S100A8: variants seen among roughly 807,000 people sequenced by gnomAD.
S100A8 encodes the protein S100 calcium binding protein A8.
In S100A8, 1 loss-of-function variant was observed where a neutral mutation model predicts 4.2. The observed-to-expected ratio is 0.24, with a 90% CI of 0.08 to 1.12. The LOEUF (loss-of-function observed/expected upper bound fraction) is 1.12, where lower values mean the gene tolerates loss of function less well. Among genes scored for constraint, S100A8 ranks in the 50% most tolerant of loss-of-function variants. The pLI, the probability that S100A8 is intolerant of heterozygous loss-of-function variation, is 0.53. For missense variants in S100A8, 96 were observed against 111.8 expected (o/e 0.86, Z 0.64); for synonymous variants, 41 against 44.7 (o/e 0.92, Z 0.33).
chr1:153,402,165 A>C, the S100A8 span, among the ~76,000 whole-genome samples: 1 of 152,190 alleles, frequency 6.6e-6, no homozygotes, highest in Admixed American at 6.5e-5. Context: ...GGAGAGTGAG[A>C]AGATGATTAA....
At chr1:153,418,184 G>A in the S100A8 span, 251 of 1,614,006 alleles carry the variant, frequency 1.6e-4, no homozygotes, top group Non-Finnish European at 1.8e-4. Flanking sequence ...GCCTGCTGAC[G>A]ATGATGAAGG....
upstream of S100A8, among the ~76,000 whole-genome samples, chr1:153,394,582 G>A (rs547061590): frequency 3.9e-5 from 6 of 152,270 alleles, no homozygotes; most frequent in East Asian, 9.7e-4. Flanking sequence ...GGCAGAAGAT[G>A]CCCTTCCACA....
chr1:153,401,662 G>A, the S100A8 span, among the ~76,000 whole-genome samples: 3 of 152,250 alleles, frequency 2.0e-5, no homozygotes, highest in African/African-American at 7.2e-5. Context: ...CCCGAAACTG[G>A]CCCTGAAGCA....
At chr1:153,401,020 C>G in the S100A8 span, among the ~76,000 whole-genome samples, 1 of 152,118 alleles carries the variant, frequency 6.6e-6, no homozygotes, top group African/African-American at 2.4e-5. Flanking sequence ...TTCACCCTAC[C>G]TTTTGTTCAC....
At chr1:153,422,353 A>G in the S100A8 span, 2 of 218,528 alleles carry the variant, frequency 9.2e-6, no homozygotes, top group African/African-American at 4.7e-5. Context: ...ATTTTAGAGC[A>G]AGGCCTAAGG....
chr1:153,419,498 A>C, the S100A8 span: 1 of 654,324 alleles, frequency 1.5e-6, no homozygotes, highest in Non-Finnish European at 2.6e-6. Context: ...TCCCTCCAGC[A>C]ACGTTCCCCC....
the S100A8 span, among the ~76,000 whole-genome samples, chr1:153,411,706 G>A: frequency 6.6e-6 from 1 of 152,098 alleles, no homozygotes; most frequent in Non-Finnish European, 1.5e-5. Flanking sequence ...AAAGTGGGAG[G>A]CATCACACTA....
the S100A8 span, among the ~76,000 whole-genome samples, chr1:153,414,384 C>T: frequency 7.2e-5 from 11 of 152,142 alleles, no homozygotes; most frequent in African/African-American, 1.7e-4. Flanking sequence ...TTATCCAAAA[C>T]GTACAAAGAA....
the S100A8 span, among the ~76,000 whole-genome samples, chr1:153,415,160 TTG>T: frequency 4.0e-5 from 6 of 151,386 alleles, no homozygotes; most frequent in East Asian, 1.9e-4. Context: ...ATGTGTGCGT[TTG>T]TGTGTGTGTT....
At chr1:153,409,534 C>T in the S100A8 span, among the ~76,000 whole-genome samples, 15 of 152,202 alleles carry the variant, frequency 9.9e-5, no homozygotes, top group Non-Finnish European at 2.2e-4. Context: ...TAATGGGAGA[C>T]TTTAATACCC....
At chr1:153,410,388 C>T in the S100A8 span, among the ~76,000 whole-genome samples, 1 of 152,100 alleles carries the variant, frequency 6.6e-6, no homozygotes, top group East Asian at 1.9e-4. Flanking sequence ...AGAAGAAATG[C>T]ATAAATTCCT....
the S100A8 span, among the ~76,000 whole-genome samples, chr1:153,404,481 T>C: frequency 4.2e-4 from 64 of 152,192 alleles, no homozygotes; most frequent in African/African-American, 1.4e-3. Flanking sequence ...TAACAAAAGA[T>C]GCTCCCTCTC....
At chr1:153,390,267 G>A in intron 2 of S100A8, 24 bp from the exon 3 acceptor site, 1 of 1,605,294 alleles carries the variant, frequency 6.2e-7, no homozygotes, top group Non-Finnish European at 8.5e-7. Flanking sequence ...GGAGGAAGAA[G>A]CCAGAGTTTA....
chr1:153,415,346 A>G, the S100A8 span, among the ~76,000 whole-genome samples: 4 of 152,152 alleles, frequency 2.6e-5, no homozygotes, highest in Non-Finnish European at 5.9e-5. Flanking sequence ...ACCTAGGGAG[A>G]CATCACATCA....
chr1:153,392,192 T>C (rs917615510), upstream of S100A8, among the ~76,000 whole-genome samples: 17 of 152,120 alleles, frequency 1.1e-4, no homozygotes, highest in African/African-American at 3.6e-4. Flanking sequence ...AAGACTCAAA[T>C]AGACACTTCT....
At chr1:153,412,840 C>T in the S100A8 span, among the ~76,000 whole-genome samples, 145,573 of 152,246 alleles carry the variant, frequency 0.96, 69,653 homozygotes, top group East Asian at 1. Context: ...TGTAGGGACA[C>T]GGATGAAGCT....
chr1:153,417,000 C>A, the S100A8 span, among the ~76,000 whole-genome samples: 8 of 152,248 alleles, frequency 5.3e-5, no homozygotes, highest in Admixed American at 2.6e-4. Flanking sequence ...CCTGTAAATT[C>A]TCAGTCAATC....
At chr1:153,397,993 C>A in the S100A8 span, among the ~76,000 whole-genome samples, 1 of 152,222 alleles carries the variant, frequency 6.6e-6, no homozygotes, top group Admixed American at 6.5e-5. Context: ...ACAGGACCAC[C>A]AACAATCACT....
At chr1:153,402,582 G>A in the S100A8 span, among the ~76,000 whole-genome samples, 22 of 152,216 alleles carry the variant, frequency 1.4e-4, no homozygotes, top group Admixed American at 5.9e-4. Context: ...AAGCCAACGA[G>A]GACTTTGCAA....
Sources: gnomAD v4.1 joint callset for allele counts (sites outside exome capture counted in the v4.1 genomes callset) on GRCh38, gnomAD v4.1.1 for gene constraint, MANE v1.5 for transcripts, NCBI Gene and HGNC (gene_info 2026-07-23, HGNC 2026-07-21) for gene names.